Variants in THRB observed in about 807,000 individuals in gnomAD.
THRB encodes the protein nuclear receptor subfamily 1 group A member 2.
In THRB, 12 loss-of-function variants were observed where a neutral mutation model predicts 47.8. The ratio of observed to expected loss-of-function variants is 0.25; its 90% CI spans 0.16 to 0.41. THRB has a LOEUF of 0.41. Ranked by LOEUF, THRB falls within the 10% of genes least tolerant of loss-of-function variation. The probability of loss-of-function intolerance (pLI) is 1.00; values close to 1 mark genes in which losing one functional copy is unlikely to be tolerated. For synonymous variants in THRB, 218 were observed against 212.2 expected, an observed-to-expected ratio of 1.03 and a Z score of -0.24; for missense variants, 348 against 589.2, an observed-to-expected ratio of 0.59 and a Z score of 4.24.
At chr3:24,334,381 AG>A (rs1372031387) in intron 2 of THRB, among the ~76,000 whole-genome samples, 2 of 152,236 alleles carry the variant, frequency 1.3e-5, no homozygotes, top group African/African-American at 4.8e-5. Context: ...GTAGGAGCAA[AG>A]GATTAAAAAA....
At chr3:24,212,677 C>G (rs1022205983) in intron 4 of THRB, among the ~76,000 whole-genome samples, 1 of 151,824 alleles carries the variant, frequency 6.6e-6, no homozygotes, top group Non-Finnish European at 1.5e-5. Flanking sequence ...CAAAACCAAG[C>G]CTTGATCCCC....
intron 1 of THRB, among the ~76,000 whole-genome samples, chr3:24,411,123 A>C (rs1395072052): frequency 6.6e-6 from 1 of 151,732 alleles, no homozygotes; most frequent in African/African-American, 2.4e-5. Context: ...AAGCTAATTG[A>C]AACTGCAACA....
At chr3:24,157,575 A>ACTGGAGTGCAGTGGCGTG (rs1198747251) in intron 5 of THRB, among the ~76,000 whole-genome samples, 1 of 152,096 alleles carries the variant, frequency 6.6e-6, no homozygotes, top group Non-Finnish European at 1.5e-5. Flanking sequence ...TGTCACCCGG[A>ACTGGAGTGCAGTGGCGTG]CTGGAGTGCA....
At chr3:24,273,667 C>A (rs2053584733) in intron 3 of THRB, among the ~76,000 whole-genome samples, 1 of 152,160 alleles carries the variant, frequency 6.6e-6, no homozygotes, top group Non-Finnish European at 1.5e-5. Flanking sequence ...ATTGATCCAA[C>A]TTAGTGTAAA....
chr3:24,204,825 A>C (rs940243542), intron 4 of THRB, among the ~76,000 whole-genome samples: 11 of 152,250 alleles, frequency 7.2e-5, no homozygotes, highest in African/African-American at 2.4e-4. Flanking sequence ...GATGGAGCGG[A>C]AAACCATGGC....
chr3:24,198,550 T>G (rs1001405129), intron 4 of THRB, among the ~76,000 whole-genome samples: 1 of 148,514 alleles, frequency 6.7e-6, no homozygotes, highest in Admixed American at 6.9e-5. Context: ...TCTATTCTCA[T>G]GCTTCCCCTT....
At chr3:24,199,532 TAAAC>T (rs1378955991) in intron 4 of THRB, among the ~76,000 whole-genome samples, 7 of 152,330 alleles carry the variant, frequency 4.6e-5, no homozygotes, top group Non-Finnish European at 7.3e-5. Context: ...TGTTAGGAGA[TAAAC>T]AAATCTTTTC....
intron 1 of THRB, among the ~76,000 whole-genome samples, chr3:24,456,100 A>G (rs2073147097): frequency 6.6e-6 from 1 of 152,118 alleles, no homozygotes; most frequent in African/African-American, 2.4e-5. Context: ...AGGCCAAGGC[A>G]GGAGTATTGC....
At chr3:24,399,119 C>A (rs1241537551) in intron 1 of THRB, among the ~76,000 whole-genome samples, 2 of 151,712 alleles carry the variant, frequency 1.3e-5, no homozygotes, top group East Asian at 3.9e-4. Flanking sequence ...AGGAGATATA[C>A]CTCATGTAAA....
At chr3:24,290,652 G>A (rs1231603676) in intron 3 of THRB, among the ~76,000 whole-genome samples, 1 of 152,090 alleles carries the variant, frequency 6.6e-6, no homozygotes, top group African/African-American at 2.4e-5. Flanking sequence ...TAGATATTAG[G>A]GGAAGAAATG....
intron 2 of THRB, among the ~76,000 whole-genome samples, chr3:24,326,524 C>T (rs186043668): frequency 2.0e-5 from 3 of 152,276 alleles, no homozygotes; most frequent in South Asian, 2.1e-4. Flanking sequence ...GCATGAGTCA[C>T]CGTTCCCGGC....
chr3:24,284,758 A>G (rs2055060956), intron 3 of THRB, among the ~76,000 whole-genome samples: 1 of 149,974 alleles, frequency 6.7e-6, no homozygotes, highest in African/African-American at 2.5e-5. Context: ...AACCCCATCA[A>G]AAAGTGGGCA....
intron 1 of THRB, among the ~76,000 whole-genome samples, chr3:24,435,529 G>A (rs115345430): frequency 0.029 from 4,421 of 152,210 alleles, 86 homozygotes; most frequent in Non-Finnish European, 0.045. Flanking sequence ...CCATGTGGAG[G>A]TGAACACTTC....
intron 2 of THRB, among the ~76,000 whole-genome samples, chr3:24,327,995 G>A (rs993551296): frequency 6.6e-6 from 1 of 152,148 alleles, no homozygotes. Context: ...GGAAATGGGT[G>A]CATGACATCA....
intron 2 of THRB, among the ~76,000 whole-genome samples, chr3:24,336,939 G>T (rs1462436028): frequency 2.0e-5 from 3 of 152,004 alleles, no homozygotes; most frequent in Non-Finnish European, 2.9e-5. Flanking sequence ...AGCCAGGATG[G>T]TCTCGATCTC....
At chr3:24,349,580 T>C (rs938444668) in intron 1 of THRB, among the ~76,000 whole-genome samples, 6 of 152,196 alleles carry the variant, frequency 3.9e-5, no homozygotes, top group African/African-American at 1.4e-4. Flanking sequence ...AAGGTGACAC[T>C]GCATTGTGGT....
intron 1 of THRB, among the ~76,000 whole-genome samples, chr3:24,379,406 A>G (rs2065529291): frequency 6.6e-6 from 1 of 152,134 alleles, no homozygotes; most frequent in Admixed American, 6.6e-5. Flanking sequence ...TGAGACGAAC[A>G]TTGTCTGACA....
intron 1 of THRB, among the ~76,000 whole-genome samples, chr3:24,403,817 C>G (rs757306620): frequency 6.6e-6 from 1 of 151,964 alleles, no homozygotes; most frequent in Non-Finnish European, 1.5e-5. Flanking sequence ...AGGAAAAGCA[C>G]TTGTGTGACT....
chr3:24,237,484 T>A (rs964170299), intron 3 of THRB, among the ~76,000 whole-genome samples: 16 of 152,168 alleles, frequency 1.1e-4, no homozygotes, highest in Non-Finnish European at 2.1e-4. Context: ...GAGTTCCCCC[T>A]ACTCTTTATG....
Sources: allele counts gnomAD v4.1 joint callset (sites outside exome capture counted in the v4.1 genomes callset), GRCh38; gene constraint gnomAD v4.1.1; transcripts MANE v1.5; gene names NCBI Gene and HGNC (gene_info 2026-07-23, HGNC 2026-07-21).